Variants in CACNA2D1 observed in about 807,000 individuals in gnomAD.
CACNA2D1 encodes calcium voltage-gated channel auxiliary subunit alpha2delta 1.
A neutral mutation model predicts 171.5 loss-of-function variants in CACNA2D1; 53 were observed. That is an observed-to-expected ratio of 0.31 (90% CI 0.25 to 0.39). CACNA2D1 has a LOEUF of 0.39. Ranked by LOEUF, CACNA2D1 falls within the 10% of genes least tolerant of loss-of-function variation. The pLI, the probability that CACNA2D1 is intolerant of heterozygous loss-of-function variation, is 1.00. For missense variants in CACNA2D1, 903 were observed against 1,299.8 expected (o/e 0.69, Z 4.69); for synonymous variants, 442 against 443.1 (o/e 1.00, Z 0.03).
intron 3 of CACNA2D1, among the ~76,000 whole-genome samples, chr7:82,325,038 A>G (rs1200628477): frequency 6.6e-6 from 1 of 152,216 alleles, no homozygotes; most frequent in African/African-American, 2.4e-5. Flanking sequence ...AGCAGAAAAC[A>G]TGCACATCTC....
chr7:82,137,392 CCTATT>C (rs1227690061), intron 4 of CACNA2D1, among the ~76,000 whole-genome samples: 6 of 152,062 alleles, frequency 3.9e-5, no homozygotes. Context: ...ATTTAAAACT[CCTATT>C]CTTTGTGTCT....
chr7:82,369,150 CAA>C (rs2129448023), intron 1 of CACNA2D1, among the ~76,000 whole-genome samples: 1 of 152,118 alleles, frequency 6.6e-6, no homozygotes, highest in East Asian at 1.9e-4. Flanking sequence ...ATACAATTAT[CAA>C]AAAGAGTTTT....
chr7:82,279,391 T>C (rs1809782413), intron 3 of CACNA2D1, among the ~76,000 whole-genome samples: 1 of 152,128 alleles, frequency 6.6e-6, no homozygotes, highest in Admixed American at 6.6e-5. Flanking sequence ...CAATTCAAAT[T>C]TTAGGGAAAG....
chr7:81,956,422 AATAAGGACAATTATAGAAATAT>A (rs1429656276), intron 38 of CACNA2D1, among the ~76,000 whole-genome samples: 1 of 152,078 alleles, frequency 6.6e-6, no homozygotes, highest in Non-Finnish European at 1.5e-5. Flanking sequence ...CAAAAGGGAA[AATAAGGACAATTATAGAAATAT>A]AATTTGATTA....
chr7:82,226,552 A>G (rs1023489284), intron 3 of CACNA2D1, among the ~76,000 whole-genome samples: 9 of 152,176 alleles, frequency 5.9e-5, no homozygotes, highest in African/African-American at 2.2e-4. Flanking sequence ...AGAGGGATCG[A>G]TTAAAAAGCA....
intron 3 of CACNA2D1, among the ~76,000 whole-genome samples, chr7:82,334,256 T>G (rs2129444216): frequency 6.6e-6 from 1 of 152,334 alleles, no homozygotes; most frequent in Non-Finnish European, 1.5e-5. Flanking sequence ...GATACGATTA[T>G]TTTGGAAAAC....
chr7:82,049,277 C>T (rs55724309), intron 10 of CACNA2D1, among the ~76,000 whole-genome samples: 13,502 of 152,044 alleles, frequency 0.089, 635 homozygotes, highest in Middle Eastern at 0.19. Context: ...AAGGTCCCAT[C>T]TTTACCTAAA....
intron 3 of CACNA2D1, among the ~76,000 whole-genome samples, chr7:82,331,184 G>GT (rs1817262671): frequency 6.6e-6 from 1 of 152,062 alleles, no homozygotes; most frequent in Non-Finnish European, 1.5e-5. Flanking sequence ...CTCTACCATA[G>GT]TATTATTATG....
intron 1 of CACNA2D1, among the ~76,000 whole-genome samples, chr7:82,435,461 C>T (rs1830042344): frequency 6.6e-6 from 1 of 152,150 alleles, no homozygotes; most frequent in Non-Finnish European, 1.5e-5. Context: ...CTCTAGCCTA[C>T]AAAATTTAAT....
At chr7:82,166,402 C>T (rs1213440202) in intron 4 of CACNA2D1, among the ~76,000 whole-genome samples, 1 of 151,982 alleles carries the variant, frequency 6.6e-6, no homozygotes, top group Admixed American at 6.6e-5. Flanking sequence ...CAGTAACAAG[C>T]TGGTGCTAAT....
chr7:82,068,984 A>G (rs1807992433), intron 7 of CACNA2D1, among the ~76,000 whole-genome samples: 1 of 152,166 alleles, frequency 6.6e-6, no homozygotes, highest in Non-Finnish European at 1.5e-5. Flanking sequence ...TAGGTGGTTT[A>G]TATTTCAAAA....
intron 6 of CACNA2D1, among the ~76,000 whole-genome samples, chr7:82,085,204 T>C (rs1003259222): frequency 6.6e-6 from 1 of 152,188 alleles, no homozygotes; most frequent in Non-Finnish European, 1.5e-5. Context: ...TTATTCTTTG[T>C]TGTGAGGTCT....
intron 1 of CACNA2D1, among the ~76,000 whole-genome samples, chr7:82,352,056 A>G (rs956922387): frequency 1.3e-5 from 2 of 152,188 alleles, no homozygotes; most frequent in African/African-American, 4.8e-5. Flanking sequence ...TTCTAACTTG[A>G]CACAAGTGCA....
chr7:82,336,494 A>G (rs1264162419), intron 2 of CACNA2D1, among the ~76,000 whole-genome samples: 1 of 152,208 alleles, frequency 6.6e-6, no homozygotes, highest in Non-Finnish European at 1.5e-5. Flanking sequence ...AGATTTTACC[A>G]TACTCATGTG....
intron 6 of CACNA2D1, among the ~76,000 whole-genome samples, chr7:82,108,356 A>G (rs1445472753): frequency 6.6e-6 from 1 of 152,092 alleles, no homozygotes; most frequent in Non-Finnish European, 1.5e-5. Flanking sequence ...ATCTGCATGT[A>G]CTCAATGAAA....
chr7:82,424,874 C>G (rs893665463), intron 1 of CACNA2D1, among the ~76,000 whole-genome samples: 48 of 152,146 alleles, frequency 3.2e-4, no homozygotes, highest in African/African-American at 9.2e-4. Context: ...TCTGTGAGCA[C>G]GTAAAGTAGG....
At chr7:82,012,478 T>C (rs959649450) in intron 14 of CACNA2D1, among the ~76,000 whole-genome samples, 1 of 152,118 alleles carries the variant, frequency 6.6e-6, no homozygotes, top group Non-Finnish European at 1.5e-5. Flanking sequence ...CTACCCCAGT[T>C]TTTTTCTAGT....
rs77141513 is a variant in CACNA2D1 at position 82,076,730 on chromosome 7, A to G, written c.658+8039T>C. Among the ~76,000 whole-genome samples, 833 of 152,252 alleles carry G rather than the reference A, an allele frequency of 5.5e-3. 6 individuals are homozygous for G. Among genetic ancestry groups the G allele is most frequent in the African/African-American group, 0.019 (803 of 41,568 alleles). ...CCAAAATGTTTGTGGTACTTTGCCT[A>G]CACATTAAATCCCAAACCATTCTGA... On this transcript the variant is annotated intron_variant, in intron 7 of 38. Coordinates refer to ENST00000356860, the MANE Select transcript of CACNA2D1 (RefSeq NM_000722.4).
intron 3 of CACNA2D1, among the ~76,000 whole-genome samples, chr7:82,260,905 G>A (rs1484374448): frequency 6.6e-6 from 1 of 151,704 alleles, no homozygotes; most frequent in Non-Finnish European, 1.5e-5. Context: ...ATGACTCTAT[G>A]AGGAGATATA....
Sources: gnomAD v4.1 joint callset for allele counts (sites outside exome capture counted in the v4.1 genomes callset) on GRCh38, gnomAD v4.1.1 for gene constraint, MANE v1.5 for transcripts, NCBI Gene and HGNC (gene_info 2026-07-23, HGNC 2026-07-21) for gene names.